The following CDR2L variants were observed in gnomAD, a reference collection of about 807,000 sequenced individuals.
The protein encoded by CDR2L is cerebellar degeneration related protein 2 like, also known as cerebellar degeneration-related protein 2-like.
CDR2L carries 19 observed loss-of-function variants against 36.1 expected under a neutral mutation model. The observed-to-expected ratio is 0.53, with a 90% CI of 0.37 to 0.77. The LOEUF is 0.77. Among genes scored for constraint, CDR2L ranks in the 30% least tolerant of loss-of-function variants. The pLI, the probability that CDR2L is intolerant of heterozygous loss-of-function variation, is 0.00. For synonymous variants in CDR2L, 285 were observed against 280.4 expected, an observed-to-expected ratio of 1.02 and a Z score of -0.16; for missense variants, 575 against 627.2, an observed-to-expected ratio of 0.92 and a Z score of 0.89.
chr17:75,002,179 C>G lies in CDR2L; in HGVS notation c.457C>G (p.Arg153Gly), dbSNP rs2144867668. 6.2e-7 allele frequency: 1 copy of G among 1,608,924 alleles called. No individual in the cohort carries two copies. The highest frequency in any genetic ancestry group is 8.5e-7 in the Non-Finnish European group (1 of 1,177,952). Residue 153 changes from arginine to glycine, a missense_variant, in exon 4 of 5, where the codon CGT (arginine) becomes GGT (glycine). By Grantham distance (125) the Arg-to-Gly change is moderately radical. Coordinates refer to ENST00000337231, the MANE Select transcript of CDR2L (RefSeq NM_014603.3). This position sits in a 1 kb window ranked among gnomAD's most constrained non-coding sequence, Gnocchi z 4.1. ...GCTCCGGGAGAAGCGGGAACGCAGG[C>G]GTACCATCCACACCTTCCCCTGCCT... ...RVLREKRERRRTIHTFPCLKE... is the reference protein window; with the variant it reads ...RVLREKRERRGTIHTFPCLKE...
chr17:74,991,914 G>A (rs1456349671), intron 1 of CDR2L, among the ~76,000 whole-genome samples: 1 of 152,066 alleles, frequency 6.6e-6, no homozygotes, highest in Non-Finnish European at 1.5e-5. Context: ...AGCTGACCTT[G>A]AGTCCTCAGC....
chr17:75,003,247 G>T lies in CDR2L; in HGVS notation c.571G>T (p.Glu191Ter). 6.4e-7 allele frequency: 1 copy of T among 1,562,436 alleles called. No homozygotes were observed. The highest frequency in any genetic ancestry group is 2.4e-5 in the East Asian group (1 of 41,792). The change falls in exon 5 of 5, where the codon GAG (glutamate) becomes TAG (stop). Residue 191 changes from glutamate to a stop codon, truncating the protein, a stop_gained. Transcript: ENST00000337231. LOFTEE classifies it high-confidence loss of function. ...LELGPRPLEQ[E>*]NERLQTLVGA... ...GCTGGGCCCGCGGCCCCTGGAGCAG[G>T]AGAACGAGCGGCTGCAGACCCTGGT...
At chr17:74,997,072 C>CTTT (rs1567974320) in intron 1 of CDR2L, among the ~76,000 whole-genome samples, 2 of 3,562 alleles carry the variant, frequency 5.6e-4, no homozygotes, top group Admixed American at 5.8e-3. Context: ...TTCTTTCTTT[C>CTTT]TTTCTTTCTT....
chr17:74,993,456 G>A (rs1459851615), intron 1 of CDR2L, among the ~76,000 whole-genome samples: 1 of 152,014 alleles, frequency 6.6e-6, no homozygotes, highest in Non-Finnish European at 1.5e-5. Flanking sequence ...TAATTTTTTT[G>A]TAGAGACAGG....
chr17:74,988,056 G>A lies in CDR2L; in HGVS notation c.13G>A (p.Ala5Thr). Residue 5 changes from alanine (A) to threonine (T), a missense_variant, in exon 1 of 5, where the codon GCC becomes ACC. Coordinates refer to ENST00000337231, the MANE Select transcript of CDR2L (RefSeq NM_014603.3). MRRA[A>T]GMEDFSAEEE... ...CGCCCGCGGGGCCATGCGGAGAGCCGCCGGGATGGAGGACTTCTCCGCGGA... is the reference window on the plus strand; with the variant it reads ...CGCCCGCGGGGCCATGCGGAGAGCCACCGGGATGGAGGACTTCTCCGCGGA... The A allele has an allele frequency of 6.6e-7, 1 of 1,524,658 alleles. No homozygotes were observed. The highest frequency in any genetic ancestry group is 8.8e-7 in the Non-Finnish European group (1 of 1,137,558). 94.4% of individuals were successfully genotyped at this position (1,524,658 alleles called of 1,614,324 possible).
At position 74,997,382 on chromosome 17, in the gene CDR2L, A is replaced by G. The variant is rs551439200; in HGVS notation, c.80-2122A>G. ...CGTGAGCCACCGCACCCAGCCTCCT[A>G]TCCACCCTTCAAAGTCCAACTCGAA... is the stretch of plus-strand genomic sequence containing the variant. On this transcript the variant is annotated intron_variant, in intron 1 of 4. Coordinates refer to ENST00000337231, the MANE Select transcript of CDR2L (RefSeq NM_014603.3). Among the ~76,000 whole-genome samples the G allele has an allele frequency of 2.4e-4, 36 of 151,974 alleles. No individual in the cohort carries two copies. In the Middle Eastern group the frequency reaches 0.01, roughly 43 times the overall value.
chr17:75,001,930 G>C, intron 3 of CDR2L, 134 bp from the exon 4 acceptor site: 1 of 734,138 alleles, frequency 1.4e-6, no homozygotes, highest in Non-Finnish European at 2.2e-6. Flanking sequence ...CCTACCTCAG[G>C]ACCAGACAGC....
chr17:75,003,519 G>A lies in CDR2L; in HGVS notation c.843G>A (p.Gln281=), dbSNP rs1331721984. 3.9e-6 allele frequency: 6 copies of A among 1,521,422 alleles called. No homozygotes were observed. Among genetic ancestry groups the A allele is most frequent in the Middle Eastern group, 1.8e-4 (1 of 5,558 alleles). The allele number at this position is 1,521,422 out of a possible 1,614,324, so 94.2% of individuals were successfully genotyped here. Residue 281 remains glutamine, a synonymous_variant, in exon 5 of 5, where the codon CAG becomes CAA. Transcript: ENST00000337231. ...AGGCCCTGCTCGCACCCCTCACGCAGGCCCCTGAGGCCGACGATCCCCAGC... is the reference window on the plus strand; with the variant it reads ...AGGCCCTGCTCGCACCCCTCACGCAAGCCCCTGAGGCCGACGATCCCCAGC... The part of the protein sequence containing the change: ...LAEALLAPLT[Q]APEADDPQPG...
At chr17:75,000,923 A>T (rs1221732949) in intron 2 of CDR2L, among the ~76,000 whole-genome samples, 1 of 151,772 alleles carries the variant, frequency 6.6e-6, no homozygotes, top group East Asian at 2.0e-4. Flanking sequence ...GTCTCAAAAA[A>T]AATAAATTAA....
Position 74,999,614 on chromosome 17 carries a change from G to A in CDR2L, c.190G>A (p.Glu64Lys), listed in dbSNP as rs759334544. The A allele has an allele frequency of 1.2e-5, 18 of 1,550,608 alleles. No individual in the cohort carries two copies. Among genetic ancestry groups the A allele is most frequent in the Non-Finnish European group, 1.5e-5 (17 of 1,142,266 alleles). The change falls in exon 2 of 5, where the codon GAG becomes AAG. Residue 64 changes from glutamate to lysine, a missense_variant and splice_region_variant. Physicochemically the swap from Glu to Lys is moderately conservative, Grantham distance 56 (BLOSUM62 1). Transcript: ENST00000337231. ...STNEEQVQEI[E>K]YLTKQLDTLR... ...CAATGAGGAACAGGTGCAGGAGATCGAGGTGAGGGCCCTGCATGTGCTTGC... is the reference window on the plus strand; with the variant it reads ...CAATGAGGAACAGGTGCAGGAGATCAAGGTGAGGGCCCTGCATGTGCTTGC...
At chr17:74,988,514 G>A (rs1433031895) in intron 1 of CDR2L, among the ~76,000 whole-genome samples, 2 of 152,168 alleles carry the variant, frequency 1.3e-5, no homozygotes, top group African/African-American at 4.8e-5. Flanking sequence ...TTGCTGGGAG[G>A]GTGGCTTGTG....
intron 1 of CDR2L, among the ~76,000 whole-genome samples, chr17:74,994,126 C>T (rs966885184): frequency 9.9e-5 from 15 of 152,170 alleles, no homozygotes; most frequent in African/African-American, 3.4e-4. Flanking sequence ...CCTTGGGCTC[C>T]CCAGCTATTA....
chr17:74,992,885 TG>T (rs2039804790), intron 1 of CDR2L, among the ~76,000 whole-genome samples: 1 of 151,924 alleles, frequency 6.6e-6, no homozygotes, highest in Non-Finnish European at 1.5e-5. Context: ...AACCTGGAAG[TG>T]GGGGGTATGA....
chr17:74,991,606 A>T (rs535181712), intron 1 of CDR2L, among the ~76,000 whole-genome samples: 16 of 151,740 alleles, frequency 1.1e-4, no homozygotes, highest in African/African-American at 3.6e-4. Flanking sequence ...AGTCCCAGCT[A>T]CTCGGGAGGC....
Position 75,004,082 on chromosome 17 carries a change from C to G in CDR2L, c.*8C>G, listed in dbSNP as rs761820137. ...ACGCACAGCAGCAAGTGACCCTTCT[C>G]CGGCCTGCAGCCTCCCCCAGGGTGG... is the stretch of plus-strand genomic sequence containing the variant. On this transcript the variant is annotated 3_prime_UTR_variant, in exon 5 of 5. Transcript: ENST00000337231. The G allele has an allele frequency of 1.9e-6, 3 of 1,594,244 alleles. No individual in the cohort carries two copies. The East Asian group carries it at 6.7e-5, about 36-fold the overall frequency.
chr17:75,003,598 T>G lies in CDR2L; in HGVS notation c.922T>G (p.Ser308Ala). 2.0e-6 allele frequency: 3 copies of G among 1,497,822 alleles called. No individual in the cohort carries two copies. Among genetic ancestry groups the G allele is most frequent in the Non-Finnish European group, 2.7e-6 (3 of 1,123,762 alleles). The allele number at this position is 1,497,822 out of a possible 1,614,324, so 92.8% of individuals were successfully genotyped here. A position where few individuals can be genotyped will look rare whatever the true frequency, so the allele number is the denominator to read the frequency against. Residue 308 changes from serine to alanine, a missense_variant, in exon 5 of 5, where the codon TCT becomes GCT. By Grantham distance (99) the Ser-to-Ala change is moderately conservative. Transcript: ENST00000337231. Reference sequence around the variant, plus strand: ...GGACGGGGTCTCCTCACCGGCAGCCTCTCCAGGCCACGTGGTGCGCAAGAG... The same window carrying G: ...GGACGGGGTCTCCTCACCGGCAGCCGCTCCAGGCCACGTGGTGCGCAAGAG... ...AQDGVSSPAASPGHVVRKSCS... is the reference protein window; with the variant it reads ...AQDGVSSPAAAPGHVVRKSCS...
chr17:75,004,354 C>G lies in CDR2L; in HGVS notation c.*280C>G. 2.6e-6 allele frequency: 1 copy of G among 383,286 alleles called. No homozygotes were observed. The highest frequency in any genetic ancestry group is 4.7e-6 in the Non-Finnish European group (1 of 213,486). 23.7% of individuals were successfully genotyped at this position (383,286 alleles called of 1,614,324 possible). A position where few individuals can be genotyped will look rare whatever the true frequency, so the allele number is the denominator to read the frequency against. ...CAGGGATCCCCCAGCTCCCCCAGCC[C>G]CTGGCTTCCTGACCCTGCGCCTCAC... On this transcript the variant is annotated 3_prime_UTR_variant, in exon 5 of 5. Coordinates refer to ENST00000337231, the MANE Select transcript of CDR2L (RefSeq NM_014603.3).
At position 75,001,581 on chromosome 17, in the gene CDR2L, T is replaced by A; in HGVS notation, c.341+92T>A. 3 of 1,181,196 alleles carry A rather than the reference T, an allele frequency of 2.5e-6. No individual in the cohort carries two copies. In the South Asian group the frequency reaches 5.7e-5, roughly 22 times the overall value. The allele number at this position is 1,181,196 out of a possible 1,614,324, so 73.2% of individuals were successfully genotyped here. On this transcript the variant is annotated intron_variant, in intron 3 of 4. Coordinates refer to ENST00000337231, the MANE Select transcript of CDR2L (RefSeq NM_014603.3). ...CCCATGGACTGATGGGTGTGACTTG[T>A]GCACGTCTCCCTAGGAACCGGGGAT...
intron 2 of CDR2L, among the ~76,000 whole-genome samples, chr17:75,000,097 G>A (rs1033655106): frequency 3.3e-5 from 5 of 151,988 alleles, no homozygotes; most frequent in African/African-American, 9.7e-5. Flanking sequence ...GCAACATGGC[G>A]AAACCTTGTC....
Sources: gnomAD v4.1 joint callset for allele counts (sites outside exome capture counted in the v4.1 genomes callset) on GRCh38, gnomAD v4.1.1 for gene constraint, Gnocchi (gnomAD v3.1) non-coding constraint, MANE v1.5 for transcripts, NCBI Gene and HGNC (gene_info 2026-07-23, HGNC 2026-07-21) for gene names.